The following PCDH15 variants were observed in gnomAD, a reference collection of about 807,000 sequenced individuals.
PCDH15 encodes the protein protocadherin related 15, also known as protocadherin-15.
PCDH15 carries 129 observed loss-of-function variants against 178.5 expected under a neutral mutation model. The observed-to-expected ratio is 0.72, with a 90% CI of 0.63 to 0.84. The LOEUF (loss-of-function observed/expected upper bound fraction) is 0.84. Among genes scored for constraint, PCDH15 ranks in the 40% least tolerant of loss-of-function variants. PCDH15 has a pLI of 0.00. For missense variants in PCDH15, 2,230 were observed against 2,099.9 expected, an observed-to-expected ratio of 1.06 and a Z score of -1.21; for synonymous variants, 800 against 732.0, an observed-to-expected ratio of 1.09 and a Z score of -1.50.
At chr10:55,262,175 G>C (rs1404925720) in intron 1 of PCDH15, among the ~76,000 whole-genome samples, 2 of 142,516 alleles carry the variant, frequency 1.4e-5, no homozygotes, top group Non-Finnish European at 3.1e-5. Flanking sequence ...GGGGGAGGGA[G>C]GGAGGGAAAG....
At chr10:54,541,580 A>G (rs1283249862) in intron 2 of PCDH15, among the ~76,000 whole-genome samples, 3 of 152,162 alleles carry the variant, frequency 2.0e-5, no homozygotes, top group Admixed American at 6.5e-5. Flanking sequence ...ATCTTTCCAA[A>G]AGAACTTTTC....
At chr10:54,375,298 A>C (rs987471079) in intron 4 of PCDH15, among the ~76,000 whole-genome samples, 1 of 152,128 alleles carries the variant, frequency 6.6e-6, no homozygotes, top group Non-Finnish European at 1.5e-5. Context: ...AGTCAAATGA[A>C]AAACAAGGAA....
chr10:55,151,096 T>A (rs1277093338), intron 2 of PCDH15, among the ~76,000 whole-genome samples: 3 of 152,136 alleles, frequency 2.0e-5, no homozygotes, highest in South Asian at 2.1e-4. Context: ...CTTTCGTAGA[T>A]CCCACGGCAT....
intron 2 of PCDH15, among the ~76,000 whole-genome samples, chr10:55,527,393 T>G (rs921570243): frequency 6.6e-6 from 1 of 152,072 alleles, no homozygotes; most frequent in Non-Finnish European, 1.5e-5. Context: ...CATCTTCATA[T>G]AGCATTCTTC....
chr10:55,022,161 C>A (rs1018907286), intron 2 of PCDH15, among the ~76,000 whole-genome samples: 3 of 151,602 alleles, frequency 2.0e-5, no homozygotes, highest in South Asian at 2.1e-4. Context: ...TCGTATTATT[C>A]AAAAATGTAG....
chr10:54,625,645 G>A (rs537944128), intron 2 of PCDH15, among the ~76,000 whole-genome samples: 1 of 152,178 alleles, frequency 6.6e-6, no homozygotes, highest in African/African-American at 2.4e-5. Context: ...GGCTTCCCCA[G>A]CCACATGGAA....
At chr10:53,962,204 C>T (rs547270062) in intron 21 of PCDH15, among the ~76,000 whole-genome samples, 3 of 152,128 alleles carry the variant, frequency 2.0e-5, no homozygotes, top group African/African-American at 7.2e-5. Context: ...CCCAAAACAC[C>T]CAATATCTCC....
At chr10:54,744,093 C>T (rs1945164483) in intron 1 of PCDH15, among the ~76,000 whole-genome samples, 1 of 152,076 alleles carries the variant, frequency 6.6e-6, no homozygotes, top group South Asian at 2.1e-4. Context: ...AAAGCTGCTT[C>T]TATGTTGTGA....
At chr10:54,165,890 A>G (rs2046176676) in intron 13 of PCDH15, among the ~76,000 whole-genome samples, 1 of 152,338 alleles carries the variant, frequency 6.6e-6, no homozygotes, top group African/African-American at 2.4e-5. Flanking sequence ...AACTTCTGTC[A>G]AACAGAAGGT....
intron 2 of PCDH15, among the ~76,000 whole-genome samples, chr10:55,160,412 A>G (rs1464745250): frequency 1.3e-5 from 2 of 152,008 alleles, no homozygotes; most frequent in East Asian, 1.9e-4. Context: ...TTTACTGTTT[A>G]TATTCATTCA....
chr10:55,479,563 C>T (rs566618229), intron 2 of PCDH15, among the ~76,000 whole-genome samples: 5 of 151,528 alleles, frequency 3.3e-5, no homozygotes, highest in South Asian at 2.1e-4. Flanking sequence ...AACATTATAC[C>T]GAATGAGGAA....
At chr10:53,981,595 C>T (rs926416173) in intron 21 of PCDH15, among the ~76,000 whole-genome samples, 23 of 151,268 alleles carry the variant, frequency 1.5e-4, no homozygotes, top group Admixed American at 1.4e-3. Context: ...ATAAATGGTG[C>T]TGGGAAAACT....
chr10:54,000,241 A>G (rs2092063699), intron 20 of PCDH15, among the ~76,000 whole-genome samples: 1 of 152,174 alleles, frequency 6.6e-6, no homozygotes, highest in South Asian at 2.1e-4. Context: ...TGTGAAGAAT[A>G]CAATAAATAC....
intron 2 of PCDH15, among the ~76,000 whole-genome samples, chr10:55,618,911 T>G (rs1396308591): frequency 6.6e-6 from 1 of 151,940 alleles, no homozygotes; most frequent in African/African-American, 2.4e-5. Context: ...TTAGGCATGA[T>G]GACAAAAAAA....
At chr10:54,707,039 A>G (rs1313168096) in intron 1 of PCDH15, among the ~76,000 whole-genome samples, 1 of 152,202 alleles carries the variant, frequency 6.6e-6, no homozygotes, top group Admixed American at 6.5e-5. Context: ...AATAGGGTTT[A>G]CACATGTTAA....
At chr10:54,990,565 T>A (rs1446468290) in intron 2 of PCDH15, among the ~76,000 whole-genome samples, 1 of 152,198 alleles carries the variant, frequency 6.6e-6, no homozygotes, top group East Asian at 1.9e-4. Flanking sequence ...TTTCAAACTC[T>A]TTTTCAATTT....
chr10:55,451,234 C>G (rs969143389), intron 2 of PCDH15, among the ~76,000 whole-genome samples: 3 of 152,042 alleles, frequency 2.0e-5, no homozygotes, highest in Non-Finnish European at 4.4e-5. Context: ...CGTGGTGGCT[C>G]ACACCTGTAA....
intron 2 of PCDH15, among the ~76,000 whole-genome samples, chr10:55,368,114 G>A (rs1351948397): frequency 2.0e-5 from 3 of 151,966 alleles, no homozygotes; most frequent in South Asian, 2.1e-4. Flanking sequence ...ATACCTTAGG[G>A]ATTAAATCTT....
At chr10:53,902,481 G>A (rs1011163905) in intron 26 of PCDH15, among the ~76,000 whole-genome samples, 1 of 152,106 alleles carries the variant, frequency 6.6e-6, no homozygotes, top group Admixed American at 6.6e-5. Context: ...CCATTGAAAT[G>A]CTGTCCAAAA....
Sources: allele counts gnomAD v4.1 joint callset (sites outside exome capture counted in the v4.1 genomes callset), GRCh38; gene constraint gnomAD v4.1.1; transcripts MANE v1.5; gene names NCBI Gene and HGNC (gene_info 2026-07-23, HGNC 2026-07-21).